SCN1A: variants seen among roughly 807,000 people sequenced by gnomAD.
The protein encoded by SCN1A is sodium voltage-gated channel alpha subunit 1.
SCN1A carries 13 observed loss-of-function variants against 193.7 expected under a neutral mutation model. The observed-to-expected ratio is 0.07, with a 90% CI of 0.04 to 0.11. The LOEUF (loss-of-function observed/expected upper bound fraction) is 0.11. Ranked by LOEUF, SCN1A falls within the 10% of genes least tolerant of loss-of-function variation. The pLI, the probability that SCN1A is intolerant of heterozygous loss-of-function variation, is 1.00. For synonymous variants in SCN1A, 781 were observed against 843.6 expected, an observed-to-expected ratio of 0.93 and a Z score of 1.29; for missense variants, 1,432 against 2,451.1, an observed-to-expected ratio of 0.58 and a Z score of 8.78.
intron 1 of SCN1A, among the ~76,000 whole-genome samples, chr2:166,137,243 A>C (rs1468812145): frequency 6.6e-6 from 1 of 152,180 alleles, no homozygotes; most frequent in African/African-American, 2.4e-5. Flanking sequence ...TTAAAAAGCA[A>C]AACACATGTG....
At chr2:166,010,601 A>G (rs1692308184) in intron 22 of SCN1A, among the ~76,000 whole-genome samples, 1 of 151,258 alleles carries the variant, frequency 6.6e-6, no homozygotes, top group Non-Finnish European at 1.5e-5. Flanking sequence ...CTAAATAAGG[A>G]ATTTACTAAA....
chr2:166,001,395 A>G (rs1037215168), intron 24 of SCN1A, among the ~76,000 whole-genome samples: 1 of 151,810 alleles, frequency 6.6e-6, no homozygotes, highest in Admixed American at 6.6e-5. Flanking sequence ...AAAGGTGGGA[A>G]GAATTTGTAA....
At chr2:166,092,112 G>A (rs747404420) in intron 2 of SCN1A, among the ~76,000 whole-genome samples, 4 of 152,086 alleles carry the variant, frequency 2.6e-5, no homozygotes, top group Non-Finnish European at 4.4e-5. Context: ...AAGCGAAGGC[G>A]TCTTTGTGGA....
intron 2 of SCN1A, among the ~76,000 whole-genome samples, chr2:166,113,304 A>G (rs1418133015): frequency 1.3e-5 from 2 of 152,156 alleles, no homozygotes; most frequent in Non-Finnish European, 2.9e-5. Context: ...TTTTAAATTT[A>G]GAATCTAAGT....
intron 13 of SCN1A, among the ~76,000 whole-genome samples, chr2:166,044,524 C>T (rs1697561771): frequency 6.6e-6 from 1 of 152,112 alleles, no homozygotes; most frequent in South Asian, 2.1e-4. Context: ...ATTTCTTTTT[C>T]ACCTATAAGG....
intron 26 of SCN1A, 129 bp from the exon 27 acceptor site, chr2:165,996,246 G>A (rs530427966): frequency 1.2e-5 from 7 of 584,910 alleles, no homozygotes; most frequent in Middle Eastern, 4.8e-4. Flanking sequence ...TTATATCTGG[G>A]ATTTAAAATG....
chr2:166,088,834 A>AG (rs1672107076), intron 2 of SCN1A, among the ~76,000 whole-genome samples: 1 of 152,098 alleles, frequency 6.6e-6, no homozygotes, highest in South Asian at 2.1e-4. Flanking sequence ...TGATGTCCAA[A>AG]GGGGCTGGAC....
At chr2:166,144,891 G>A (rs1451930685) in intron 1 of SCN1A, among the ~76,000 whole-genome samples, 22 of 149,062 alleles carry the variant, frequency 1.5e-4, no homozygotes, top group Admixed American at 1.1e-3. Context: ...TCACTCTGTC[G>A]CCCAGGCTAG....
chr2:166,010,320 G>A (rs774025998), intron 22 of SCN1A, among the ~76,000 whole-genome samples: 7 of 151,130 alleles, frequency 4.6e-5, no homozygotes, highest in Non-Finnish European at 1.0e-4. Context: ...AGAAATTAAT[G>A]AACTACATCA....
chr2:166,146,621 C>G (rs1201206740), intron 1 of SCN1A, among the ~76,000 whole-genome samples: 1 of 152,138 alleles, frequency 6.6e-6, no homozygotes, highest in Non-Finnish European at 1.5e-5. Context: ...ATATCTGACC[C>G]AAATGTCAAT....
At chr2:166,120,271 A>T (rs1000904909) in intron 2 of SCN1A, among the ~76,000 whole-genome samples, 83 of 151,498 alleles carry the variant, frequency 5.5e-4, no homozygotes, top group Non-Finnish European at 9.1e-4. Context: ...TTCTATTTTT[A>T]AAACAAAAAC....
At chr2:166,041,755 G>A (rs1459518569) in intron 15 of SCN1A, among the ~76,000 whole-genome samples, 2 of 152,162 alleles carry the variant, frequency 1.3e-5, no homozygotes, top group South Asian at 2.1e-4. Context: ...TTCATGTGAC[G>A]TCTCAATGGG....
intron 1 of SCN1A, among the ~76,000 whole-genome samples, chr2:166,148,614 CACAA>C (rs1692415368): frequency 1.3e-5 from 2 of 152,202 alleles, no homozygotes; most frequent in South Asian, 4.1e-4. Flanking sequence ...CTTATACGAT[CACAA>C]ACAATCACAA....
chr2:166,000,679 G>T (rs1414145649), intron 24 of SCN1A, among the ~76,000 whole-genome samples: 1 of 151,736 alleles, frequency 6.6e-6, no homozygotes, highest in Non-Finnish European at 1.5e-5. Context: ...GCAGTGAAAA[G>T]AAAGTAATGA....
chr2:166,103,488 A>G (rs1688360025), intron 2 of SCN1A, among the ~76,000 whole-genome samples: 2 of 144,592 alleles, frequency 1.4e-5, no homozygotes, highest in South Asian at 4.3e-4. Context: ...TAAATAAATA[A>G]ATAAATACTG....
At chr2:165,994,731 A>G (rs1689780960) in intron 27 of SCN1A, among the ~76,000 whole-genome samples, 1 of 151,898 alleles carries the variant, frequency 6.6e-6, no homozygotes, top group Non-Finnish European at 1.5e-5. Context: ...AACACATATC[A>G]ACATTTTAAG....
chr2:166,046,998 T>A, intron 11 of SCN1A, 22 bp from the exon 12 acceptor site: 1 of 1,611,028 alleles, frequency 6.2e-7, no homozygotes, highest in Non-Finnish European at 8.5e-7. Context: ...AATATCAGAA[T>A]TATTTCTCAA....
At chr2:166,071,240 T>C (rs1156944558) in intron 4 of SCN1A, among the ~76,000 whole-genome samples, 1 of 152,212 alleles carries the variant, frequency 6.6e-6, no homozygotes, top group Non-Finnish European at 1.5e-5. Context: ...AAAGTCCTTG[T>C]AGTTTGTTTA....
At chr2:166,044,977 A>C in intron 13 of SCN1A, 66 bp downstream of exon 13, 15 of 1,470,264 alleles carry the variant, frequency 1.0e-5, no homozygotes, top group Non-Finnish European at 1.2e-5. Flanking sequence ...TCCATTTTCT[A>C]ATTCTCCCCC....
Sources: allele counts gnomAD v4.1 joint callset (sites outside exome capture counted in the v4.1 genomes callset), GRCh38; gene constraint gnomAD v4.1.1; transcripts MANE v1.5; gene names NCBI Gene and HGNC (gene_info 2026-07-23, HGNC 2026-07-21).